CLSTN2: variants seen among roughly 807,000 people sequenced by gnomAD.
The protein encoded by CLSTN2 is calsyntenin 2, also known as calsyntenin-2.
Under a neutral mutation model 101.2 loss-of-function variants are expected in CLSTN2, and 48 were observed. That is an observed-to-expected ratio of 0.47 (90% confidence interval 0.38 to 0.60). CLSTN2 has a LOEUF of 0.60. Ranked by LOEUF, CLSTN2 falls within the 20% of genes least tolerant of loss-of-function variation. The pLI is 0.00. For synonymous variants in CLSTN2, 481 were observed against 463.6 expected, an observed-to-expected ratio of 1.04 and a Z score of -0.48; for missense variants, 1,160 against 1,238.2, an observed-to-expected ratio of 0.94 and a Z score of 0.95.
At chr3:140,162,877 A>G (rs2010072702) in intron 1 of CLSTN2, among the ~76,000 whole-genome samples, 1 of 152,212 alleles carries the variant, frequency 6.6e-6, no homozygotes, top group Admixed American at 6.5e-5. Flanking sequence ...TTCGCAGTAA[A>G]AATGTATCAT....
chr3:140,406,552 C>T (rs13100720), intron 4 of CLSTN2, among the ~76,000 whole-genome samples: 1 of 152,098 alleles, frequency 6.6e-6, no homozygotes, highest in African/African-American at 2.4e-5. Flanking sequence ...ATTAGTAGAG[C>T]CTGTCAGAAT....
chr3:140,301,772 T>C (rs111344586), intron 2 of CLSTN2, among the ~76,000 whole-genome samples: 333 of 152,324 alleles, frequency 2.2e-3, no homozygotes, highest in African/African-American at 7.6e-3. Context: ...GTACTCCTCC[T>C]GGAGGCTGTG....
At chr3:140,219,295 A>C (rs923048989) in intron 2 of CLSTN2, among the ~76,000 whole-genome samples, 1 of 151,988 alleles carries the variant, frequency 6.6e-6, no homozygotes, top group East Asian at 2.0e-4. Context: ...TCATCTTATC[A>C]AAGACCTTCT....
intron 1 of CLSTN2, among the ~76,000 whole-genome samples, chr3:139,959,587 G>A (rs1281253253): frequency 1.3e-5 from 2 of 152,058 alleles, no homozygotes; most frequent in East Asian, 1.9e-4. Context: ...ATTTGTTGAA[G>A]TTTCCTCTTT....
chr3:140,085,418 T>C (rs1345552996), intron 1 of CLSTN2, among the ~76,000 whole-genome samples: 1 of 152,230 alleles, frequency 6.6e-6, no homozygotes, highest in Non-Finnish European at 1.5e-5. Flanking sequence ...TAAGCTGGTA[T>C]TTAACCACAC....
chr3:140,352,878 G>T (rs1338412662), intron 2 of CLSTN2, among the ~76,000 whole-genome samples: 2 of 152,126 alleles, frequency 1.3e-5, no homozygotes, highest in Admixed American at 1.3e-4. Context: ...CAAGTTGCTA[G>T]TAATACAGTT....
At chr3:140,096,700 C>T (rs1332727898) in intron 1 of CLSTN2, among the ~76,000 whole-genome samples, 2 of 152,166 alleles carry the variant, frequency 1.3e-5, no homozygotes, top group Non-Finnish European at 2.9e-5. Context: ...CTAGATGTGG[C>T]CCATATGGGA....
intron 8 of CLSTN2, among the ~76,000 whole-genome samples, chr3:140,515,817 G>A (rs77970989): frequency 0.033 from 5,005 of 152,070 alleles, 267 homozygotes; most frequent in African/African-American, 0.11. Flanking sequence ...TCCATGTGCC[G>A]ATGAGTAGAA....
intron 2 of CLSTN2, among the ~76,000 whole-genome samples, chr3:140,358,992 C>T (rs2087701231): frequency 6.6e-6 from 1 of 152,156 alleles, no homozygotes; most frequent in Non-Finnish European, 1.5e-5. Context: ...AACCCTCTTC[C>T]AACATTCAGA....
chr3:140,424,736 T>A (rs949113065), intron 5 of CLSTN2, among the ~76,000 whole-genome samples: 1 of 152,132 alleles, frequency 6.6e-6, no homozygotes, highest in Non-Finnish European at 1.5e-5. Context: ...ATGGGGTGAA[T>A]CCTGCACTTT....
intron 5 of CLSTN2, among the ~76,000 whole-genome samples, chr3:140,443,787 C>A (rs1933016485): frequency 1.3e-5 from 2 of 152,226 alleles, no homozygotes; most frequent in Admixed American, 1.3e-4. Flanking sequence ...AGGCCCTTAG[C>A]CTGGCATATC....
chr3:140,278,430 T>C (rs1342355617), intron 2 of CLSTN2, among the ~76,000 whole-genome samples: 1 of 152,154 alleles, frequency 6.6e-6, no homozygotes, highest in Non-Finnish European at 1.5e-5. Context: ...GCACTTTCTC[T>C]CCTTTTCCCA....
chr3:140,164,403 A>G (rs914917686), intron 1 of CLSTN2, among the ~76,000 whole-genome samples: 1 of 152,170 alleles, frequency 6.6e-6, no homozygotes, highest in African/African-American at 2.4e-5. Flanking sequence ...CTGGCAACCT[A>G]TAAAGTGCTA....
intron 6 of CLSTN2, among the ~76,000 whole-genome samples, chr3:140,458,591 C>G (rs1237120171): frequency 6.6e-6 from 1 of 152,168 alleles, no homozygotes; most frequent in Non-Finnish European, 1.5e-5. Context: ...GCACCCCCCT[C>G]CACAAAGTTG....
chr3:140,068,713 G>A (rs959660866), intron 1 of CLSTN2, among the ~76,000 whole-genome samples: 2 of 152,244 alleles, frequency 1.3e-5, no homozygotes, highest in African/African-American at 4.8e-5. Context: ...CCAGTTGGCA[G>A]GAGGCCAATT....
intron 1 of CLSTN2, among the ~76,000 whole-genome samples, chr3:139,964,498 T>C (rs1184299522): frequency 6.6e-6 from 1 of 152,122 alleles, no homozygotes; most frequent in Non-Finnish European, 1.5e-5. Flanking sequence ...AAACTTGGTT[T>C]CAAAGTGTCA....
At chr3:139,942,997 C>T (rs1935158581) in intron 1 of CLSTN2, among the ~76,000 whole-genome samples, 1 of 152,102 alleles carries the variant, frequency 6.6e-6, no homozygotes, top group Non-Finnish European at 1.5e-5. Context: ...CTTTTTTTCC[C>T]TAGCTCACTT....
rs529443673 is a variant in CLSTN2, at chr3:140,474,701, A to G, written c.1344+7970A>G. On this transcript the variant is annotated intron_variant, in intron 8 of 16. Coordinates refer to ENST00000458420, the MANE Select transcript of CLSTN2 (RefSeq NM_022131.3). ...GCCTTTCCCCTAAAGCAGCACAGAA[A>G]CCCACTTTACCCAGCCAATCTGCTC... 3.3e-5 allele frequency among the ~76,000 whole-genome samples: 5 copies of G among 152,230 alleles called. No homozygotes were observed. The East Asian group carries it at 9.7e-4, about 29-fold the overall frequency.
intron 1 of CLSTN2, among the ~76,000 whole-genome samples, chr3:140,116,706 A>C (rs574061216): frequency 2.0e-5 from 3 of 152,184 alleles, no homozygotes; most frequent in African/African-American, 7.2e-5. Flanking sequence ...CCATATCCCT[A>C]TATTACCTAA....
Sources: gnomAD v4.1 joint callset for allele counts (sites outside exome capture counted in the v4.1 genomes callset) on GRCh38, gnomAD v4.1.1 for gene constraint, MANE v1.5 for transcripts, NCBI Gene and HGNC (gene_info 2026-07-23, HGNC 2026-07-21) for gene names.